The following NGEF variants were observed in gnomAD, a reference collection of about 807,000 sequenced individuals.
NGEF encodes the protein ephexin-1.
NGEF carries 31 observed loss-of-function variants against 80.9 expected under a neutral mutation model. The observed-to-expected ratio is 0.38, with a 90% CI of 0.29 to 0.52. The LOEUF is 0.52. Among genes scored for constraint, NGEF ranks in the 20% least tolerant of loss-of-function variants. The pLI, the probability that NGEF is intolerant of heterozygous loss-of-function variation, is 0.84. For missense variants in NGEF, 709 were observed against 926.2 expected, an observed-to-expected ratio of 0.77 and a Z score of 3.04; for synonymous variants, 371 against 370.2, an observed-to-expected ratio of 1.00 and a Z score of -0.03.
At position 232,891,332 on chromosome 2, in the gene NGEF, T is replaced by C. The variant is rs1218143070; in HGVS notation, c.1272+26A>G. 7 of 1,612,040 alleles carry C rather than the reference T, an allele frequency of 4.3e-6. No homozygotes were observed. In the Admixed American group the frequency reaches 6.7e-5, roughly 15 times the overall value. On this transcript the variant is annotated intron_variant, in intron 8 of 14. Coordinates refer to ENST00000264051, the MANE Select transcript of NGEF (RefSeq NM_019850.3). ...ACAGCAAAGCCTGGGAAGCCCCGTC[T>C]GTGGGTCAGGTGGAGGAGGCTGTAC...
chr2:232,970,063 T>G, intron 3 of NGEF, 151 bp downstream of exon 3: 3 of 413,096 alleles, frequency 7.3e-6, no homozygotes, highest in Non-Finnish European at 1.3e-5. Flanking sequence ...ATTATGGAGT[T>G]TTTATTTATT....
intron 1 of NGEF, among the ~76,000 whole-genome samples, chr2:233,006,851 A>G (rs1328239922): frequency 6.6e-6 from 1 of 152,170 alleles, no homozygotes; most frequent in Non-Finnish European, 1.5e-5. Flanking sequence ...TCACACAGCT[A>G]GCAGGTGGTG....
At chr2:232,953,039 C>T (rs1282627931) in intron 3 of NGEF, among the ~76,000 whole-genome samples, 1 of 148,068 alleles carries the variant, frequency 6.8e-6, no homozygotes, top group Non-Finnish European at 1.5e-5. Context: ...CGCAGTGGCT[C>T]ACGCCTGTAA....
chr2:232,962,958 G>A (rs1485468645), intron 3 of NGEF, among the ~76,000 whole-genome samples: 4 of 151,912 alleles, frequency 2.6e-5, no homozygotes, highest in East Asian at 1.9e-4. Flanking sequence ...GCTAGTTAAC[G>A]TATGCATTAA....
intron 2 of NGEF, among the ~76,000 whole-genome samples, chr2:232,971,704 C>T (rs1694187704): frequency 6.6e-6 from 1 of 152,108 alleles, no homozygotes; most frequent in South Asian, 2.1e-4. Context: ...AACAAACAAC[C>T]CCTGCAAATC....
At chr2:232,944,444 A>G (rs1229435211) in intron 3 of NGEF, among the ~76,000 whole-genome samples, 1 of 152,002 alleles carries the variant, frequency 6.6e-6, no homozygotes, top group Non-Finnish European at 1.5e-5. Context: ...GGTTGAATGA[A>G]CCATGGTATA....
At position 232,894,812 on chromosome 2, in the gene NGEF, C is replaced by G; in HGVS notation, c.933G>C (p.Pro311=). Reference sequence around the variant, plus strand: ...TGGAGAAGAGGATGTGCGCCTCGGACGGGTGCAGGATCTTCCTTATCCGCT... The same window carrying G: ...TGGAGAAGAGGATGTGCGCCTCGGAGGGGTGCAGGATCTTCCTTATCCGCT... ...ENERIRKILH[P]SEAHILFSNV... is the part of the protein sequence containing the mutation. Residue 311 remains proline, a synonymous_variant, in exon 6 of 15, where the codon CCG becomes CCC. Transcript: ENST00000264051. 2.5e-6 allele frequency: 4 copies of G among 1,611,416 alleles called. No individual in the cohort carries two copies. Among genetic ancestry groups the G allele is most frequent in the Non-Finnish European group, 3.4e-6 (4 of 1,178,774 alleles).
In NGEF at chr2:232,899,708, G is replaced by GTT. The variant is rs1397684660; in HGVS notation, c.829-4793_829-4792insAA. ...CTCATACACACATTCACTCACACAC[G>GTT]CTCTCAGTCACTCATATACACGTTC... is the stretch of plus-strand genomic sequence containing the variant. On this transcript the variant is annotated intron_variant, in intron 5 of 14. Transcript: ENST00000264051. 4.5e-4 allele frequency among the ~76,000 whole-genome samples: 20 copies of GTT among 44,668 alleles called. 2 individuals carry two copies. Among genetic ancestry groups the GTT allele is most frequent in the Admixed American group, 1.4e-3 (5 of 3,584 alleles). The allele number at this position is 44,668 out of a possible 152,430, so 29.3% of individuals were successfully genotyped here.
chr2:232,946,000 T>C (rs780481723), intron 3 of NGEF, among the ~76,000 whole-genome samples: 32 of 151,270 alleles, frequency 2.1e-4, no homozygotes, highest in Non-Finnish European at 3.5e-4. Flanking sequence ...TAAACTGTGA[T>C]ATCCATATAT....
chr2:232,967,456 T>C (rs1694084965), intron 3 of NGEF, among the ~76,000 whole-genome samples: 1 of 152,046 alleles, frequency 6.6e-6, no homozygotes, highest in Admixed American at 6.6e-5. Flanking sequence ...TGCCTCAGCC[T>C]CCCAAGTAGC....
chr2:232,907,307 C>G (rs1297167706), intron 5 of NGEF, among the ~76,000 whole-genome samples: 1 of 151,076 alleles, frequency 6.6e-6, no homozygotes, highest in Non-Finnish European at 1.5e-5. Flanking sequence ...CTTGTGTGAA[C>G]AGTAATTCAG....
chr2:232,925,118 T>A (rs1693032982), intron 4 of NGEF, among the ~76,000 whole-genome samples: 1 of 152,234 alleles, frequency 6.6e-6, no homozygotes, highest in South Asian at 2.1e-4. Flanking sequence ...AAACTTTACC[T>A]GTAAAGGCTT....
Position 232,879,423 on chromosome 2 carries a change from C to T in NGEF, c.*66G>A, listed in dbSNP as rs570180043. ...GTGCTGGCCTGTGCTTCCCAGAGCC[C>T]CCCCCCCCCCACCTTCTGTCGGGGT... On this transcript the variant is annotated 3_prime_UTR_variant, in exon 15 of 15. Coordinates refer to ENST00000264051, the MANE Select transcript of NGEF (RefSeq NM_019850.3). The T allele has an allele frequency of 4.4e-5, 39 of 881,288 alleles. 1 individual carries two copies. The highest frequency in any genetic ancestry group is 2.0e-4 in the South Asian group (9 of 45,514). The allele number at this position is 881,288 out of a possible 1,614,324, so 54.6% of individuals were successfully genotyped here. A position where few individuals can be genotyped will look rare whatever the true frequency, so the allele number is the denominator to read the frequency against.
intron 3 of NGEF, among the ~76,000 whole-genome samples, chr2:232,951,227 C>T (rs1693673941): frequency 6.6e-6 from 1 of 152,182 alleles, no homozygotes; most frequent in Admixed American, 6.5e-5. Flanking sequence ...CGCGCTACCT[C>T]GATGTCTAGG....
Position 232,892,763 on chromosome 2 carries a change from G to A in NGEF, c.1142+135C>T, listed in dbSNP as rs1384916130. ...TCACCAGTATCCCTGGCCAACTCCG[G>A]TGGCTCATGTGGACCTTGGGAACGC... is the stretch of plus-strand genomic sequence containing the variant. On this transcript the variant is annotated intron_variant, in intron 7 of 14. Transcript: ENST00000264051. The surrounding 1 kb of genome is among the most constrained non-coding windows in gnomAD (Gnocchi z 4.0). 5 of 951,630 alleles carry A rather than the reference G, an allele frequency of 5.3e-6. No homozygotes were observed. The highest frequency in any genetic ancestry group is 1.7e-5 in the African/African-American group (1 of 60,524). 58.9% of individuals were successfully genotyped at this position (951,630 alleles called of 1,614,324 possible).
intron 1 of NGEF, among the ~76,000 whole-genome samples, chr2:232,996,242 C>T (rs1355240247): frequency 3.3e-5 from 5 of 152,060 alleles, no homozygotes; most frequent in Non-Finnish European, 5.9e-5. Context: ...GCACGAGAAT[C>T]GCTTGAACCC....
At chr2:232,939,823 C>T (rs1317982609) in intron 3 of NGEF, among the ~76,000 whole-genome samples, 1 of 152,012 alleles carries the variant, frequency 6.6e-6, no homozygotes. Context: ...CACGGTGAAA[C>T]CCCATTTCTA....
At chr2:232,937,163 T>G (rs1693343931) in intron 3 of NGEF, among the ~76,000 whole-genome samples, 1 of 152,128 alleles carries the variant, frequency 6.6e-6, no homozygotes, top group Non-Finnish European at 1.5e-5. Flanking sequence ...AGATGGGGTT[T>G]CACCATGTTG....
At chr2:232,943,707 G>T (rs984702233) in intron 3 of NGEF, among the ~76,000 whole-genome samples, 2 of 150,778 alleles carry the variant, frequency 1.3e-5, no homozygotes, top group South Asian at 2.1e-4. Flanking sequence ...GTGTTAGCCA[G>T]GTTGGTCTCA....
Sources: gnomAD v4.1 joint callset for allele counts (sites outside exome capture counted in the v4.1 genomes callset) on GRCh38, gnomAD v4.1.1 for gene constraint, Gnocchi (gnomAD v3.1) non-coding constraint, MANE v1.5 for transcripts, NCBI Gene and HGNC (gene_info 2026-07-23, HGNC 2026-07-21) for gene names.